CEP152: variants seen among roughly 807,000 people sequenced by gnomAD.
The protein encoded by CEP152 is centrosomal protein 152, also known as centrosomal protein of 152 kDa.
In CEP152, 132 loss-of-function variants were observed where a neutral mutation model predicts 188.9. That is an observed-to-expected ratio of 0.70 (90% CI 0.61 to 0.81). The LOEUF is 0.81. CEP152 is among the 30% of genes least tolerant of loss of function. The pLI, the probability that CEP152 is intolerant of heterozygous loss-of-function variation, is 0.00. For synonymous variants in CEP152, 649 were observed against 666.6 expected (o/e 0.97, Z 0.41); for missense variants, 1,914 against 1,969.8 (o/e 0.97, Z 0.54).
rs1896295995 is a variant in CEP152 at position 48,782,166 on chromosome 15, C to T, written c.1386G>A (p.Met462Ile). 6.2e-7 allele frequency: 1 copy of T among 1,613,850 alleles called. No individual in the cohort carries two copies. The highest frequency in any genetic ancestry group is 1.3e-5 in the African/African-American group (1 of 74,928). ...QLQQAQKAHA[M>I]SANMNKALQE... ...GCAAAGCCTTGTTCATGTTTGCACTCATAGCATGTGCCTTCTGTGCTTGCT... is the reference window on the plus strand; with the variant it reads ...GCAAAGCCTTGTTCATGTTTGCACTTATAGCATGTGCCTTCTGTGCTTGCT... The change falls in exon 11 of 27, where the codon ATG becomes ATA. Residue 462 changes from methionine to isoleucine, a missense_variant. Transcript: ENST00000380950.
chr15:48,771,662 C>T (rs1895540951), intron 13 of CEP152, among the ~76,000 whole-genome samples: 1 of 152,142 alleles, frequency 6.6e-6, no homozygotes, highest in African/African-American at 2.4e-5. Flanking sequence ...AAAAAACATA[C>T]AGATGCTTTT....
chr15:48,749,619 C>T (rs1292351456), intron 21 of CEP152, among the ~76,000 whole-genome samples: 2 of 151,872 alleles, frequency 1.3e-5, no homozygotes, highest in Non-Finnish European at 2.9e-5. Flanking sequence ...GCTGAGAAAA[C>T]ACAACCTGAA....
At chr15:48,743,415 A>G (rs548418243) in intron 24 of CEP152, among the ~76,000 whole-genome samples, 99 of 152,362 alleles carry the variant, frequency 6.5e-4, no homozygotes, top group Non-Finnish European at 1.2e-3. Context: ...GAAGTATTCA[A>G]AACAGGGAAA....
At chr15:48,748,249 C>G (rs1036371495) in intron 22 of CEP152, among the ~76,000 whole-genome samples, 194 bp downstream of exon 22, 4 of 152,102 alleles carry the variant, frequency 2.6e-5, no homozygotes, top group Non-Finnish European at 5.9e-5. Flanking sequence ...GGAATGTGAC[C>G]TTTTAATCAG....
rs561064684 is a variant in CEP152, at chr15:48,740,454, G to A, written c.4093+1147C>T. ...TGAGTTTAACCTACTTATATTTAGT[G>A]TGATTGTTGATGTTTCAAACTACTA... On this transcript the variant is annotated intron_variant, in intron 26 of 26. Transcript: ENST00000380950. The A allele has an allele frequency of 5.3e-5, 8 of 151,976 alleles. No individual in the cohort carries two copies. The East Asian group carries it at 1.5e-3, about 29-fold the overall frequency. The allele number at this position is 151,976 out of a possible 1,614,324, so 9.4% of individuals were successfully genotyped here. A position where few individuals can be genotyped will look rare whatever the true frequency, so the allele number is the denominator to read the frequency against.
chr15:48,807,542 A>C (rs1238876041), intron 1 of CEP152, among the ~76,000 whole-genome samples: 3 of 148,528 alleles, frequency 2.0e-5, no homozygotes, highest in African/African-American at 7.4e-5. Flanking sequence ...GGCCTGGGCG[A>C]CAGAGCGAGA....
intron 1 of CEP152, among the ~76,000 whole-genome samples, chr15:48,806,125 T>G (rs1897972043): frequency 6.6e-6 from 1 of 152,136 alleles, no homozygotes. Context: ...CATGAGTGAA[T>G]GACTACTACC....
intron 9 of CEP152, 61 bp from the exon 10 acceptor site, chr15:48,784,181 A>G: frequency 1.4e-6 from 2 of 1,472,616 alleles, no homozygotes; most frequent in South Asian, 2.4e-5. Context: ...AGAGTAAACT[A>G]AAAATTATGA....
At chr15:48,784,174 G>A (rs1595672395) in intron 9 of CEP152, 54 bp from the exon 10 acceptor site, 31 of 1,527,106 alleles carry the variant, frequency 2.0e-5, no homozygotes, top group Non-Finnish European at 2.7e-5. Flanking sequence ...TTAATAAAGA[G>A]TAAACTAAAA....
At chr15:48,760,970 A>G (rs1894640940) in intron 18 of CEP152, among the ~76,000 whole-genome samples, 1 of 152,162 alleles carries the variant, frequency 6.6e-6, no homozygotes, top group Admixed American at 6.5e-5. Flanking sequence ...TTAAAGTGCT[A>G]AATATGTCAA....
intron 21 of CEP152, 118 bp downstream of exon 21, chr15:48,752,231 A>G: frequency 6.5e-7 from 1 of 1,545,784 alleles, no homozygotes; most frequent in Non-Finnish European, 8.9e-7. Flanking sequence ...AGGGGACATT[A>G]AGTCAGACGA....
At chr15:48,773,145 G>GA (rs1895675233) in intron 12 of CEP152, 1 of 156,400 alleles carries the variant, frequency 6.4e-6, no homozygotes, top group African/African-American at 2.4e-5. Flanking sequence ...TGAGTAACTA[G>GA]AAAAACACAA....
chr15:48,732,286 A>T (rs112243751), intron 2 of CEP152, among the ~76,000 whole-genome samples: 5,486 of 152,328 alleles, frequency 0.036, 126 homozygotes, highest in Middle Eastern at 0.048. Context: ...ACCAACTCAA[A>T]TGCCCATTAA....
rs773577017 is a variant in CEP152, at chr15:48,742,060, A to C, written c.3876T>G (p.Ala1292=). The C allele has an allele frequency of 1.2e-5, 19 of 1,613,998 alleles. No individual in the cohort carries two copies. The highest frequency in any genetic ancestry group is 1.5e-5 in the Non-Finnish European group (18 of 1,180,016). Residue 1292 remains alanine (A), a synonymous_variant, in exon 25 of 27, where the codon GCT becomes GCG. Coordinates refer to ENST00000380950, the MANE Select transcript of CEP152 (RefSeq NM_001194998.2). ...GTACCTCTGCTTTTACCATTTCTGC[A>C]GCTCGTTCCTTACTCTCCTGAATAT... ...LRYIQESKER[A]AEMVKAEVLR... is the part of the protein sequence containing the mutation.
At chr15:48,798,943 A>G (rs1897502127) in intron 2 of CEP152, among the ~76,000 whole-genome samples, 1 of 152,202 alleles carries the variant, frequency 6.6e-6, no homozygotes, top group Admixed American at 6.5e-5. Flanking sequence ...AAAAATCCCA[A>G]TATAATGTAT....
chr15:48,780,381 C>A (rs956015606), intron 12 of CEP152, among the ~76,000 whole-genome samples: 20 of 152,134 alleles, frequency 1.3e-4, no homozygotes, highest in Non-Finnish European at 1.5e-5. Context: ...AAAATGAGAT[C>A]ACAGTCTCAA....
intron 18 of CEP152, among the ~76,000 whole-genome samples, chr15:48,760,651 C>T (rs552555769): frequency 2.6e-5 from 4 of 152,164 alleles, no homozygotes; most frequent in East Asian, 3.9e-4. Flanking sequence ...TTCCTGACTC[C>T]TCATGCTCTA....
In CEP152 at chr15:48,772,526, G is replaced by A. The variant is rs1180249479; in HGVS notation, c.1743C>T (p.Leu581=). Residue 581 remains leucine, a synonymous_variant, in exon 13 of 27, where the codon CTC becomes CTT. Transcript: ENST00000380950. ...TTTTTTCATCCTTCTTCACTTGGTG[G>A]AGATCTTCAATTTTCTTATGACAGT... is the stretch of plus-strand genomic sequence containing the variant. ...LKDCHKKIED[L]HQVKKDEKSI... is the part of the protein sequence containing the mutation. 6.2e-7 allele frequency: 1 copy of A among 1,612,876 alleles called. No homozygotes were observed. Among genetic ancestry groups the A allele is most frequent in the East Asian group, 2.2e-5 (1 of 44,832 alleles).
intron 26 of CEP152, among the ~76,000 whole-genome samples, chr15:48,739,624 C>G (rs1892817391): frequency 6.6e-6 from 1 of 152,126 alleles, no homozygotes; most frequent in Non-Finnish European, 1.5e-5. Flanking sequence ...GTTTTCAATC[C>G]TGCCCTGATT....
Sources: allele counts gnomAD v4.1 joint callset (sites outside exome capture counted in the v4.1 genomes callset), GRCh38; gene constraint gnomAD v4.1.1; transcripts MANE v1.5; gene names NCBI Gene and HGNC (gene_info 2026-07-23, HGNC 2026-07-21).